The following DLG2 variants were observed in gnomAD, a reference collection of about 807,000 sequenced individuals.
DLG2 encodes disks large homolog 2.
DLG2 carries 45 observed loss-of-function variants against 132.5 expected under a neutral mutation model. The ratio of observed to expected loss-of-function variants is 0.34; its 90% confidence interval spans 0.27 to 0.44. The LOEUF (loss-of-function observed/expected upper bound fraction) is 0.44. DLG2 is among the 20% of genes least tolerant of loss of function. The pLI is 1.00. For missense variants in DLG2, 1,045 were observed against 1,196.9 expected (o/e 0.87, Z 1.87); for synonymous variants, 424 against 419.6 (o/e 1.01, Z -0.13).
intron 21 of DLG2, among the ~76,000 whole-genome samples, chr11:83,529,102 G>A (rs1325626845): frequency 6.6e-6 from 1 of 152,046 alleles, no homozygotes; most frequent in South Asian, 2.1e-4. Flanking sequence ...GGCTCCTCAG[G>A]ACATTTCACA....
intron 6 of DLG2, among the ~76,000 whole-genome samples, chr11:85,053,983 C>T (rs571895132): frequency 6.6e-6 from 1 of 151,844 alleles, no homozygotes; most frequent in South Asian, 2.1e-4. Context: ...AAATGCCAAT[C>T]AGGCCAGGCA....
Position 83,509,356 on chromosome 11 carries a change from T to TA in DLG2, c.2193+23351dup, listed in dbSNP as rs551012154. Among the ~76,000 whole-genome samples, 12 of 152,324 alleles carry TA rather than the reference T, an allele frequency of 7.9e-5. No homozygotes were observed. The South Asian group carries it at 2.3e-3, about 29-fold the overall frequency. Reference sequence around the variant, plus strand: ...CACCACTTGTAATGAGGCTCAGTGGTAACTTGTTCAAGGTCACAAATCTAG... The same window carrying TA: ...CACCACTTGTAATGAGGCTCAGTGGTAAACTTGTTCAAGGTCACAAATCTAG... On this transcript the variant is annotated intron_variant, in intron 21 of 27. Coordinates refer to ENST00000376104, the MANE Select transcript of DLG2 (RefSeq NM_001142699.3).
chr11:83,520,559 C>A lies in DLG2; in HGVS notation c.2193+12149G>T, dbSNP rs78675242. Among the ~76,000 whole-genome samples the A allele has an allele frequency of 8.4e-3, 1,271 of 151,884 alleles. 19 individuals are homozygous for A. Among genetic ancestry groups the A allele is most frequent in the African/African-American group, 0.029 (1,215 of 41,374 alleles). ...TGCGTTGTCATAGATAGAAAGATAG[C>A]TAACTAGCTAGGTAGGTAAGTAGGT... On this transcript the variant is annotated intron_variant, in intron 21 of 27. Transcript: ENST00000376104.
intron 3 of DLG2, chr11:85,510,099 A>C (rs537496309): frequency 6.6e-6 from 1 of 151,928 alleles, no homozygotes; most frequent in African/African-American, 2.4e-5. Flanking sequence ...AAAATTAGGA[A>C]GAAAGCTACC....
intron 3 of DLG2, among the ~76,000 whole-genome samples, chr11:85,443,544 A>G (rs140215320): frequency 1.3e-4 from 20 of 152,312 alleles, no homozygotes; most frequent in Non-Finnish European, 2.4e-4. Flanking sequence ...TAGAATTCCA[A>G]TCCAGACTTG....
intron 21 of DLG2, among the ~76,000 whole-genome samples, chr11:83,491,269 G>A (rs1218572456): frequency 6.6e-6 from 1 of 151,410 alleles, no homozygotes; most frequent in Non-Finnish European, 1.5e-5. Context: ...AGAAAAGTAG[G>A]GAAAAATCAA....
At chr11:85,264,687 C>G (rs1212048709) in intron 4 of DLG2, among the ~76,000 whole-genome samples, 1 of 152,108 alleles carries the variant, frequency 6.6e-6, no homozygotes, top group Non-Finnish European at 1.5e-5. Flanking sequence ...ATGGAACCTC[C>G]CAACCACCCC....
intron 4 of DLG2, among the ~76,000 whole-genome samples, chr11:85,200,535 C>T (rs780562513): frequency 6.6e-6 from 1 of 152,148 alleles, no homozygotes; most frequent in Non-Finnish European, 1.5e-5. Context: ...AGCATCAGCC[C>T]CTTGCATTGC....
chr11:83,704,518 A>T (rs933670829), intron 18 of DLG2, among the ~76,000 whole-genome samples: 20 of 151,852 alleles, frequency 1.3e-4, no homozygotes, highest in Non-Finnish European at 2.2e-4. Context: ...TCTTTTTTTA[A>T]AAAAAATGTA....
intron 3 of DLG2, among the ~76,000 whole-genome samples, chr11:85,344,668 T>C (rs763527224): frequency 1.3e-5 from 2 of 152,210 alleles, no homozygotes; most frequent in Non-Finnish European, 1.5e-5. Context: ...ATTTTGATTG[T>C]ATTTTCATAA....
intron 14 of DLG2, among the ~76,000 whole-genome samples, chr11:83,958,676 G>A (rs1370604124): frequency 6.6e-6 from 1 of 152,104 alleles, no homozygotes; most frequent in Non-Finnish European, 1.5e-5. Flanking sequence ...GTGATGATGT[G>A]TGGTTTGCCT....
chr11:85,443,074 G>A (rs1345017508), intron 3 of DLG2, among the ~76,000 whole-genome samples: 2 of 151,866 alleles, frequency 1.3e-5, no homozygotes, highest in African/African-American at 4.8e-5. Context: ...AAAATAAGAT[G>A]TGAAAAAAAA....
Position 85,205,695 on chromosome 11 carries a change from A to T in DLG2, c.187-51044T>A, listed in dbSNP as rs535258089. ...TTATGTATCAATTTTGAAAAATCTA[A>T]AACATAAAAGTTCCCTATGGGATTC... On this transcript the variant is annotated intron_variant, in intron 4 of 27. Transcript: ENST00000376104. Among the ~76,000 whole-genome samples the T allele has an allele frequency of 6.6e-5, 10 of 152,296 alleles. No homozygotes were observed. In the East Asian group the frequency reaches 1.5e-3, roughly 23 times the overall value.
intron 8 of DLG2, among the ~76,000 whole-genome samples, chr11:84,244,328 T>C (rs2374526): frequency 0.24 from 35,973 of 151,864 alleles, 4,571 homozygotes; most frequent in African/African-American, 0.33. Flanking sequence ...GGATTACAGG[T>C]GCCCACCACC....
chr11:84,798,676 C>T (rs2074990111), intron 6 of DLG2, among the ~76,000 whole-genome samples: 1 of 152,188 alleles, frequency 6.6e-6, no homozygotes, highest in Non-Finnish European at 1.5e-5. Flanking sequence ...CCTACTGTAG[C>T]CAAGCTGGTC....
intron 17 of DLG2, among the ~76,000 whole-genome samples, chr11:83,827,353 T>A (rs757854009): frequency 2.6e-5 from 4 of 152,120 alleles, no homozygotes; most frequent in African/African-American, 4.8e-5. Context: ...TCCTGGCAAA[T>A]CAAGTCCTTC....
intron 4 of DLG2, among the ~76,000 whole-genome samples, chr11:85,274,505 A>G (rs541696450): frequency 1.5e-3 from 234 of 152,328 alleles, no homozygotes; most frequent in Non-Finnish European, 2.6e-3. Context: ...AAGTTTACAA[A>G]TAAGACTAAC....
At chr11:85,372,889 C>A (rs1342668444) in intron 3 of DLG2, among the ~76,000 whole-genome samples, 1 of 152,214 alleles carries the variant, frequency 6.6e-6, no homozygotes, top group Admixed American at 6.5e-5. Flanking sequence ...ACACCTGCTC[C>A]CTTTTTTCTA....
chr11:83,717,935 T>C (rs942726984), intron 18 of DLG2, among the ~76,000 whole-genome samples: 2 of 152,204 alleles, frequency 1.3e-5, no homozygotes, highest in Admixed American at 6.5e-5. Context: ...CAAACGATGA[T>C]ACTCTTAGGG....
Sources: allele counts gnomAD v4.1 joint callset (sites outside exome capture counted in the v4.1 genomes callset), GRCh38; gene constraint gnomAD v4.1.1; transcripts MANE v1.5; gene names NCBI Gene and HGNC (gene_info 2026-07-23, HGNC 2026-07-21).